Variants in SLC43A2 observed in about 807,000 individuals in gnomAD.
SLC43A2 encodes the protein large neutral amino acids transporter small subunit 4.
SLC43A2 carries 38 observed loss-of-function variants against 63.2 expected under a neutral mutation model. The observed-to-expected ratio is 0.60, with a 90% CI of 0.46 to 0.79. The LOEUF is 0.79. Among genes scored for constraint, SLC43A2 ranks in the 30% least tolerant of loss-of-function variants. The pLI is 0.00. For synonymous variants in SLC43A2, 322 were observed against 331.0 expected (o/e 0.97, Z 0.30); for missense variants, 644 against 756.2 (o/e 0.85, Z 1.74).
intron 5 of SLC43A2, among the ~76,000 whole-genome samples, chr17:1,611,346 G>A (rs1218115264): frequency 6.6e-6 from 1 of 152,066 alleles, no homozygotes; most frequent in Non-Finnish European, 1.5e-5. Flanking sequence ...AAGAGCTGCT[G>A]GTTTTCGGCC....
chr17:1,604,925 C>G lies in SLC43A2; in HGVS notation c.501+8270G>C, dbSNP rs554512071. ...GTCTCAGCTGCGCATAATGGCTGTT[C>G]GAAGCCGCGGTGCCGGAGTGAGGGC... On this transcript the variant is annotated intron_variant, in intron 5 of 13. Transcript: ENST00000301335. The G allele has an allele frequency of 2.3e-4, 350 of 1,525,106 alleles. 3 individuals carry two copies. The South Asian group carries it at 4.1e-3, about 18-fold the overall frequency. 94.5% of individuals were successfully genotyped at this position (1,525,106 alleles called of 1,614,324 possible).
rs185678681 is a variant in SLC43A2, at chr17:1,624,096, C to T, written c.160+3619G>A. Among the ~76,000 whole-genome samples, 737 of 152,338 alleles carry T rather than the reference C, an allele frequency of 4.8e-3. 7 individuals are homozygous for T. Among genetic ancestry groups the T allele is most frequent in the African/African-American group, 0.017 (701 of 41,572 alleles). ...TCCTCTGCACCCAGCACGGCACCTT[C>T]GTCAATGTTTACTGAATGTTTAGGT... On this transcript the variant is annotated intron_variant, in intron 2 of 13. Coordinates refer to ENST00000301335, the MANE Select transcript of SLC43A2 (RefSeq NM_152346.3).
At chr17:1,579,010 G>A (rs537134736) in intron 11 of SLC43A2, among the ~76,000 whole-genome samples, 1 of 151,846 alleles carries the variant, frequency 6.6e-6, no homozygotes, top group Non-Finnish European at 1.5e-5. Flanking sequence ...GCGTGGTGGT[G>A]GGCACCTGTA....
chr17:1,627,685 G>GC (rs5818816), intron 2 of SLC43A2, 30 bp downstream of exon 2: 545,672 of 1,387,962 alleles, frequency 0.39, 113,559 homozygotes, highest in African/African-American at 0.51. Context: ...AGCTCCAGGA[G>GC]CCCCCCGCAA....
intron 13 of SLC43A2, among the ~76,000 whole-genome samples, chr17:1,576,136 T>C (rs1353897889): frequency 7.2e-6 from 1 of 139,808 alleles, no homozygotes; most frequent in South Asian, 2.2e-4. Flanking sequence ...CAGGCTGGAG[T>C]GCAGTGGCGC....
intron 2 of SLC43A2, among the ~76,000 whole-genome samples, chr17:1,620,124 G>GAAA (rs1185012839): frequency 6.6e-6 from 1 of 152,192 alleles, no homozygotes; most frequent in Non-Finnish European, 1.5e-5. Context: ...CAGCACTTTG[G>GAAA]GAGGCCGAGG....
rs1384101047 is a variant in SLC43A2, at chr17:1,583,139, G to C, written c.1350+65C>G. The C allele has an allele frequency of 2.0e-6, 3 of 1,529,108 alleles. No homozygotes were observed. The highest frequency in any genetic ancestry group is 2.7e-6 in the Non-Finnish European group (3 of 1,111,038). The allele number at this position is 1,529,108 out of a possible 1,614,324, so 94.7% of individuals were successfully genotyped here. On this transcript the variant is annotated intron_variant, in intron 11 of 13. Coordinates refer to ENST00000301335, the MANE Select transcript of SLC43A2 (RefSeq NM_152346.3). The surrounding 1 kb of genome is among the most constrained non-coding windows in gnomAD (Gnocchi z 5.5). ...CTTCCATGAAACATTACACACTTTT[G>C]AGTCTTTACATGTTCCTTCTGACTG...
chr17:1,586,100 G>C, intron 9 of SLC43A2, 49 bp from the exon 10 acceptor site: 1 of 1,527,846 alleles, frequency 6.5e-7, no homozygotes, highest in Non-Finnish European at 8.8e-7. Context: ...GACAGCCCTG[G>C]AGCAGGGACT....
chr17:1,585,480 A>C (rs574654501), intron 10 of SLC43A2: 88 of 387,142 alleles, frequency 2.3e-4, no homozygotes, highest in African/African-American at 1.8e-3. Context: ...TCCTGGGCTC[A>C]AGCAATTCAC....
At chr17:1,600,427 A>C (rs1169299361) in intron 5 of SLC43A2, among the ~76,000 whole-genome samples, 1 of 150,358 alleles carries the variant, frequency 6.7e-6, no homozygotes, top group African/African-American at 2.4e-5. Flanking sequence ...CTGGGATTAC[A>C]GGTATGAGCC....
At chr17:1,616,482 A>C in intron 3 of SLC43A2, 80 bp downstream of exon 3, 1 of 1,393,242 alleles carries the variant, frequency 7.2e-7, no homozygotes, top group Non-Finnish European at 9.8e-7. Context: ...ATCAGGTACG[A>C]CCAGGATACC....
At position 1,606,337 on chromosome 17, in the gene SLC43A2, C is replaced by T. The variant is rs78331739; in HGVS notation, c.501+6858G>A. Among the ~76,000 whole-genome samples, 1 of 152,302 alleles carries T rather than the reference C, an allele frequency of 6.6e-6. No homozygotes were observed. Among genetic ancestry groups the T allele is most frequent in the South Asian group, 2.1e-4 (1 of 4,824 alleles). The stretch of plus-strand genomic sequence containing the variant: ...AGGGATGTTTATCCTCTTCACTTCC[C>T]TCAGATCCCACCTCCCATGAAATCA... On this transcript the variant is annotated intron_variant, in intron 5 of 13. Coordinates refer to ENST00000301335, the MANE Select transcript of SLC43A2 (RefSeq NM_152346.3). The surrounding 1 kb of genome is among the most constrained non-coding windows in gnomAD (Gnocchi z 4.7).
At chr17:1,587,660 G>A (rs1156906903) in intron 9 of SLC43A2, among the ~76,000 whole-genome samples, 1 of 151,950 alleles carries the variant, frequency 6.6e-6, no homozygotes, top group Non-Finnish European at 1.5e-5. Context: ...CCTTGAACAA[G>A]CTCCTCCATC....
intron 6 of SLC43A2, 106 bp from the exon 7 acceptor site, chr17:1,591,805 G>C (rs1904836158): frequency 4.6e-6 from 4 of 863,270 alleles, no homozygotes; most frequent in South Asian, 1.7e-5. Flanking sequence ...TGCTGTCCCT[G>C]TGCTGAGCCG....
At chr17:1,586,172 CT>C (rs1197606847) in intron 9 of SLC43A2, 121 bp from the exon 10 acceptor site, 2 of 1,413,744 alleles carry the variant, frequency 1.4e-6, no homozygotes, top group African/African-American at 1.4e-5. Context: ...CCAGAACCCC[CT>C]GTCACTATGG....
At chr17:1,603,699 C>T (rs879865429) in intron 5 of SLC43A2, among the ~76,000 whole-genome samples, 1 of 152,110 alleles carries the variant, frequency 6.6e-6, no homozygotes, top group Admixed American at 6.6e-5. Context: ...GCAGGAGAAT[C>T]GCTTGAACCC....
Position 1,591,681 on chromosome 17 carries a change from C to G in SLC43A2, c.613G>C (p.Val205Leu). 1 of 1,542,392 alleles carries G rather than the reference C, an allele frequency of 6.5e-7. No homozygotes were observed. Among genetic ancestry groups the G allele is most frequent in the Non-Finnish European group, 8.7e-7 (1 of 1,143,942 alleles). Residue 205 changes from valine to leucine, a missense_variant, in exon 7 of 14, where the codon GTC (valine) becomes CTC (leucine). Val to Leu is a conservative substitution (Grantham distance 32). Transcript: ENST00000301335. ...ACCACGAGGACGACGATGAAGGAGACACCAGCATCATAGATGAGCTGACAG... is the reference window on the plus strand; with the variant it reads ...ACCACGAGGACGACGATGAAGGAGAGACCAGCATCATAGATGAGCTGACAG... The part of the protein sequence containing the change: ...PGIKLIYDAG[V>L]SFIVVLVVWA...
chr17:1,616,669 C>G lies in SLC43A2; in HGVS notation c.261G>C (p.Met87Ile), dbSNP rs1387964203. The G allele has an allele frequency of 6.2e-7, 1 of 1,614,062 alleles. No homozygotes were observed. The highest frequency in any genetic ancestry group is 8.5e-7 in the Non-Finnish European group (1 of 1,180,046). The change falls in exon 3 of 14, where the codon ATG (methionine) becomes ATC (isoleucine). Residue 87 changes from methionine to isoleucine, a missense_variant. Physicochemically the swap from Met to Ile is conservative, Grantham distance 10. This residue lies in a region of SLC43A2 where 528 missense variants were observed against 623.6 expected (regional missense o/e 0.85). Transcript: ENST00000301335. The part of the protein sequence containing the change: ...GWLSCQAQDE[M>I]LNLAFTVGSF... Reference sequence around the variant, plus strand: ...AGCCCACAGTGAAGGCCAAATTTAGCATCTCGTCCTGGGCCTGGCAGCTGA... The same window carrying G: ...AGCCCACAGTGAAGGCCAAATTTAGGATCTCGTCCTGGGCCTGGCAGCTGA...
At chr17:1,620,923 C>T (rs1430966792) in intron 2 of SLC43A2, among the ~76,000 whole-genome samples, 1 of 152,086 alleles carries the variant, frequency 6.6e-6, no homozygotes, top group African/African-American at 2.4e-5. Flanking sequence ...CCCGGGCCAG[C>T]CTGCTCTGCT....
Sources: gnomAD v4.1 joint callset for allele counts (sites outside exome capture counted in the v4.1 genomes callset) on GRCh38, gnomAD v4.1.1 for gene constraint, gnomAD v4.1.1 regional missense constraint, Gnocchi (gnomAD v3.1) non-coding constraint, MANE v1.5 for transcripts, NCBI Gene and HGNC (gene_info 2026-07-23, HGNC 2026-07-21) for gene names.